Variants in WWTR1 observed in about 807,000 individuals in gnomAD.
WWTR1 encodes the protein WW domain-containing transcription regulator protein 1.
Under a neutral mutation model 40.1 loss-of-function variants are expected in WWTR1, and 13 were observed. That is an observed-to-expected ratio of 0.32 (90% CI 0.21 to 0.52). The LOEUF is 0.52. WWTR1 is among the 20% of genes least tolerant of loss of function. The pLI is 0.97. For synonymous variants in WWTR1, 230 were observed against 210.1 expected (o/e 1.09, Z -0.82); for missense variants, 436 against 523.1 (o/e 0.83, Z 1.63).
intron 5 of WWTR1, among the ~76,000 whole-genome samples, chr3:149,526,892 G>A (rs949931199): frequency 3.9e-5 from 6 of 152,154 alleles, no homozygotes; most frequent in Non-Finnish European, 8.8e-5. Context: ...TGCTCATGAA[G>A]ATATTTCTGG....
At chr3:149,583,172 G>C (rs769959514) in intron 2 of WWTR1, among the ~76,000 whole-genome samples, 2 of 152,116 alleles carry the variant, frequency 1.3e-5, no homozygotes, top group Non-Finnish European at 2.9e-5. Flanking sequence ...CACCATGTTG[G>C]CCAGGCTGGT....
intron 2 of WWTR1, among the ~76,000 whole-genome samples, chr3:149,641,927 G>C (rs1166363241): frequency 6.6e-6 from 1 of 152,180 alleles, no homozygotes; most frequent in African/African-American, 2.4e-5. Flanking sequence ...AGACATGCAA[G>C]ATCAATAACT....
intron 4 of WWTR1, among the ~76,000 whole-genome samples, chr3:149,530,203 C>T (rs900001327): frequency 2.6e-5 from 4 of 151,770 alleles, no homozygotes; most frequent in East Asian, 1.9e-4. Flanking sequence ...AAATATTAGC[C>T]GGGTGTGGTG....
intron 5 of WWTR1, among the ~76,000 whole-genome samples, chr3:149,715,705 C>G (rs1404770530): frequency 1.3e-5 from 2 of 152,204 alleles, no homozygotes; most frequent in African/African-American, 4.8e-5. Context: ...CCCAAAGATC[C>G]CAGAACAACA....
At chr3:149,572,427 C>G (rs528515306) in intron 3 of WWTR1, among the ~76,000 whole-genome samples, 1 of 152,066 alleles carries the variant, frequency 6.6e-6, no homozygotes, top group African/African-American at 2.4e-5. Flanking sequence ...AGACAGGAGG[C>G]CTAACTGATT....
intron 2 of WWTR1, among the ~76,000 whole-genome samples, chr3:149,620,848 C>T (rs1451139730): frequency 1.3e-5 from 2 of 152,218 alleles, no homozygotes; most frequent in Non-Finnish European, 2.9e-5. Context: ...GGAGACCACA[C>T]ACATCAGCCT....
intron 2 of WWTR1, among the ~76,000 whole-genome samples, chr3:149,637,173 A>G (rs540547317): frequency 6.6e-6 from 1 of 151,834 alleles, no homozygotes; most frequent in East Asian, 1.9e-4. Context: ...AAAAGCATCA[A>G]TTTCTGCCTG....
chr3:149,547,416 C>T (rs1407482562), intron 3 of WWTR1, among the ~76,000 whole-genome samples: 1 of 151,896 alleles, frequency 6.6e-6, no homozygotes, highest in Non-Finnish European at 1.5e-5. Context: ...ATCCCAGCTA[C>T]TCGGGAGGCT....
At chr3:149,556,536 G>A (rs1177566245) in intron 3 of WWTR1, among the ~76,000 whole-genome samples, 5 of 152,130 alleles carry the variant, frequency 3.3e-5, no homozygotes, top group Admixed American at 6.6e-5. Context: ...CCGAGATCGC[G>A]CCACTGCACT....
chr3:149,572,761 T>C, intron 3 of WWTR1, 103 bp downstream of exon 3: 2 of 1,374,182 alleles, frequency 1.5e-6, no homozygotes, highest in Non-Finnish European at 2.0e-6. Flanking sequence ...GTGTTAGGAT[T>C]GTTTGAGCCC....
chr3:149,527,669 T>C (rs1006939960), intron 5 of WWTR1, among the ~76,000 whole-genome samples, 167 bp downstream of exon 5: 13 of 152,178 alleles, frequency 8.5e-5, no homozygotes, highest in Non-Finnish European at 1.6e-4. Flanking sequence ...AGGCAGATGA[T>C]TTCCCCTGCT....
chr3:149,708,147 G>A (rs894624181), upstream of WWTR1, among the ~76,000 whole-genome samples: 5 of 152,198 alleles, frequency 3.3e-5, no homozygotes, highest in South Asian at 8.3e-4. Context: ...AAGTGACTGA[G>A]TTCATGTCTT....
At chr3:149,711,022 C>G (rs1310142789) in intron 5 of WWTR1, among the ~76,000 whole-genome samples, 1 of 152,114 alleles carries the variant, frequency 6.6e-6, no homozygotes, top group Non-Finnish European at 1.5e-5. Context: ...CTGTGCCAAA[C>G]TGATTTACTC....
intron 2 of WWTR1, among the ~76,000 whole-genome samples, chr3:149,608,125 ATAAT>A (rs1739568801): frequency 6.6e-6 from 1 of 152,218 alleles, no homozygotes; most frequent in East Asian, 1.9e-4. Flanking sequence ...AATTCTGAGT[ATAAT>A]TATTCATATA....
At chr3:149,569,155 C>T (rs1226822292) in intron 3 of WWTR1, among the ~76,000 whole-genome samples, 1 of 152,176 alleles carries the variant, frequency 6.6e-6, no homozygotes, top group Non-Finnish European at 1.5e-5. Flanking sequence ...AGGGCACTAT[C>T]CTCACTGAAG....
At chr3:149,545,667 G>A (rs981881951) in intron 3 of WWTR1, among the ~76,000 whole-genome samples, 8 of 152,046 alleles carry the variant, frequency 5.3e-5, no homozygotes, top group Non-Finnish European at 8.8e-5. Flanking sequence ...GATTACAGTC[G>A]TGTGCCACCC....
chr3:149,674,012 T>C (rs1430297570), intron 1 of WWTR1, among the ~76,000 whole-genome samples: 2 of 139,970 alleles, frequency 1.4e-5, no homozygotes. Flanking sequence ...CTAGGCAACA[T>C]AGTAGAAGAC....
intron 2 of WWTR1, among the ~76,000 whole-genome samples, chr3:149,578,482 T>C (rs1217267686): frequency 6.6e-6 from 1 of 152,206 alleles, no homozygotes; most frequent in Non-Finnish European, 1.5e-5. Flanking sequence ...AACACTTGGT[T>C]CAAGTTTTTT....
intron 2 of WWTR1, among the ~76,000 whole-genome samples, chr3:149,628,050 G>A (rs1482557895): frequency 2.2e-5 from 3 of 137,874 alleles, no homozygotes; most frequent in Non-Finnish European, 3.1e-5. Context: ...TGTAGCCTGG[G>A]CAACAAGAGC....
Sources: gnomAD v4.1 joint callset for allele counts (sites outside exome capture counted in the v4.1 genomes callset) on GRCh38, gnomAD v4.1.1 for gene constraint, MANE v1.5 for transcripts, NCBI Gene and HGNC (gene_info 2026-07-23, HGNC 2026-07-21) for gene names.